Variants in STOX2 observed in about 807,000 individuals in gnomAD.
STOX2 encodes the protein storkhead box 2.
A neutral mutation model predicts 60.9 loss-of-function variants in STOX2; 28 were observed. That is an observed-to-expected ratio of 0.46 (90% CI 0.34 to 0.63). The LOEUF (loss-of-function observed/expected upper bound fraction) is 0.63. STOX2 is among the 30% of genes least tolerant of loss of function. STOX2 has a pLI of 0.01. For synonymous variants in STOX2, 472 were observed against 463.9 expected, an observed-to-expected ratio of 1.02 and a Z score of -0.22; for missense variants, 1,024 against 1,187.7, an observed-to-expected ratio of 0.86 and a Z score of 2.03.
chr4:183,938,497 C>T (rs533148254), intron 1 of STOX2, among the ~76,000 whole-genome samples: 3 of 152,004 alleles, frequency 2.0e-5, no homozygotes, highest in South Asian at 2.1e-4. Flanking sequence ...GGTGAAACCC[C>T]GTCTCTACTA....
At chr4:183,862,486 T>C (rs2111155694) in intron 1 of STOX2, among the ~76,000 whole-genome samples, 1 of 152,298 alleles carries the variant, frequency 6.6e-6, no homozygotes, top group South Asian at 2.1e-4. Flanking sequence ...GAAAATAAAA[T>C]ACCCGAATGG....
At chr4:183,888,843 C>A (rs1579377281) in intron 1 of STOX2, among the ~76,000 whole-genome samples, 1 of 152,084 alleles carries the variant, frequency 6.6e-6, no homozygotes, top group Non-Finnish European at 1.5e-5. Flanking sequence ...CGCAATTATG[C>A]TGACTTACTG....
chr4:183,866,388 C>T (rs1352255681), intron 1 of STOX2, among the ~76,000 whole-genome samples: 1 of 152,092 alleles, frequency 6.6e-6, no homozygotes, highest in Admixed American at 6.5e-5. Context: ...CCATGGAGAA[C>T]CTGTTCTGGC....
chr4:183,873,571 A>G (rs930151559), intron 1 of STOX2, among the ~76,000 whole-genome samples: 1 of 152,160 alleles, frequency 6.6e-6, no homozygotes, highest in Admixed American at 6.5e-5. Context: ...CACACGCAGC[A>G]TGCAAGCTTC....
chr4:183,972,666 G>T (rs1002207348), intron 1 of STOX2, among the ~76,000 whole-genome samples: 1 of 151,978 alleles, frequency 6.6e-6, no homozygotes, highest in South Asian at 2.1e-4. Flanking sequence ...TGTTGATCAC[G>T]TGCTTAAAAA....
At chr4:183,968,267 T>TA (rs1413553424) in intron 1 of STOX2, among the ~76,000 whole-genome samples, 2 of 151,598 alleles carry the variant, frequency 1.3e-5, no homozygotes, top group South Asian at 2.1e-4. Context: ...AAGTGCTTTT[T>TA]AAAAAAATCT....
chr4:183,969,669 A>C (rs1336436527), intron 1 of STOX2, among the ~76,000 whole-genome samples: 1 of 150,332 alleles, frequency 6.7e-6, no homozygotes, highest in East Asian at 1.9e-4. Flanking sequence ...CCCAAGCTGG[A>C]GTGCAGTGGT....
At chr4:183,946,917 G>A (rs1742909480) in intron 1 of STOX2, among the ~76,000 whole-genome samples, 1 of 152,156 alleles carries the variant, frequency 6.6e-6, no homozygotes, top group African/African-American at 2.4e-5. Context: ...GTGAGCCACT[G>A]TGCCCTGCCT....
chr4:183,858,007 G>A (rs770606425), intron 1 of STOX2, among the ~76,000 whole-genome samples: 2 of 152,154 alleles, frequency 1.3e-5, no homozygotes, highest in Non-Finnish European at 2.9e-5. Context: ...AGAAGGATGA[G>A]GGCAAAAACT....
Position 184,010,599 on chromosome 4 carries a change from A to G in STOX2, c.1761A>G (p.Glu587=). Residue 587 remains glutamate (E), a synonymous_variant, in exon 3 of 4, where the codon GAA becomes GAG. Transcript: ENST00000308497. The surrounding 1 kb of genome is among the most constrained non-coding windows in gnomAD (Gnocchi z 4.5). ...CCGAGAGTTTGCCATCCTATGGCGAACTCAACTCTTGTCCAACAAAAACAG... is the reference window on the plus strand; with the variant it reads ...CCGAGAGTTTGCCATCCTATGGCGAGCTCAACTCTTGTCCAACAAAAACAG... The part of the protein sequence containing the change: ...KPPESLPSYG[E]LNSCPTKTAT... 1.9e-6 allele frequency: 3 copies of G among 1,613,846 alleles called. 1 individual carries two copies. The South Asian group carries it at 3.3e-5, about 18-fold the overall frequency.
chr4:183,936,065 A>G (rs768546130), intron 1 of STOX2, among the ~76,000 whole-genome samples: 1 of 152,264 alleles, frequency 6.6e-6, no homozygotes, highest in Non-Finnish European at 1.5e-5. Context: ...GCTTTCCTGT[A>G]GGAACTTCAA....
At chr4:183,907,451 G>T (rs1741653385) in intron 1 of STOX2, among the ~76,000 whole-genome samples, 1 of 152,218 alleles carries the variant, frequency 6.6e-6, no homozygotes, top group African/African-American at 2.4e-5. Context: ...TGCACGCAGA[G>T]AACTGTGTTG....
chr4:183,859,297 C>A (rs928969967), intron 1 of STOX2, among the ~76,000 whole-genome samples: 1 of 152,184 alleles, frequency 6.6e-6, no homozygotes, highest in Non-Finnish European at 1.5e-5. Flanking sequence ...AACTCCAGCT[C>A]CTACCGCAGT....
intron 1 of STOX2, among the ~76,000 whole-genome samples, chr4:183,956,087 C>T (rs1743239579): frequency 6.6e-6 from 1 of 152,142 alleles, no homozygotes; most frequent in Admixed American, 6.5e-5. Flanking sequence ...AAATTGCTGC[C>T]GTCTGCCTAG....
chr4:183,955,988 C>T (rs9997017), intron 1 of STOX2, among the ~76,000 whole-genome samples: 44,241 of 151,792 alleles, frequency 0.29, 6,724 homozygotes, highest in Middle Eastern at 0.36. Context: ...TTTCACATAA[C>T]CCTATTTCAT....
chr4:183,862,026 A>G (rs1193791877), intron 1 of STOX2, among the ~76,000 whole-genome samples: 1 of 152,146 alleles, frequency 6.6e-6, no homozygotes, highest in Non-Finnish European at 1.5e-5. Context: ...CACTCAACAG[A>G]TACTTCGTGA....
At position 183,906,892 on chromosome 4, in the gene STOX2, C is replaced by T. The variant is rs922541635; in HGVS notation, c.102C>T (p.Tyr34=). Residue 34 remains tyrosine (Y), a synonymous_variant, in exon 1 of 4, where the codon TAC becomes TAT. Coordinates refer to ENST00000308497, the MANE Select transcript of STOX2 (RefSeq NM_020225.3). ...DRMRSRSEKD[Y]RLHKRFPAAF... ...TGAGGTCCCGCAGCGAGAAGGACTA[C>T]CGCCTGCACAAGCGTTTCCCCGCGG... 4.5e-6 allele frequency: 7 copies of T among 1,550,868 alleles called. No homozygotes were observed. In the African/African-American group the frequency reaches 9.6e-5, roughly 21 times the overall value.
chr4:183,874,953 ATATATATATATATATATATAT>A (rs1276250001), intron 1 of STOX2, among the ~76,000 whole-genome samples: 4 of 24,604 alleles, frequency 1.6e-4, no homozygotes, highest in Admixed American at 1.4e-3. Flanking sequence ...AAAAAAAAAA[ATATATATATATATATATATAT>A]ATATATATAT....
chr4:183,868,293 G>T (rs1163986888), intron 1 of STOX2, among the ~76,000 whole-genome samples: 2 of 152,166 alleles, frequency 1.3e-5, no homozygotes, highest in Admixed American at 6.5e-5. Flanking sequence ...CAGCACTGTG[G>T]CTCACACCTG....
Sources: gnomAD v4.1 joint callset for allele counts (sites outside exome capture counted in the v4.1 genomes callset) on GRCh38, gnomAD v4.1.1 for gene constraint, Gnocchi (gnomAD v3.1) non-coding constraint, MANE v1.5 for transcripts, NCBI Gene and HGNC (gene_info 2026-07-23, HGNC 2026-07-21) for gene names.